STK32B: variants seen among roughly 807,000 people sequenced by gnomAD.
STK32B encodes the protein serine/threonine kinase 32B.
Under a neutral mutation model 52.6 loss-of-function variants are expected in STK32B, and 43 were observed. That is an observed-to-expected ratio of 0.82 (90% CI 0.64 to 1.05). The LOEUF is 1.05. Among genes scored for constraint, STK32B ranks in the 50% least tolerant of loss-of-function variants. STK32B has a pLI of 0.00. For synonymous variants in STK32B, 238 were observed against 204.3 expected (o/e 1.17, Z -1.41); for missense variants, 621 against 534.6 (o/e 1.16, Z -1.59).
chr4:5,076,230 C>A (rs144106898), intron 1 of STK32B, among the ~76,000 whole-genome samples: 2 of 152,032 alleles, frequency 1.3e-5, no homozygotes, highest in Non-Finnish European at 2.9e-5. Flanking sequence ...ATGTAGAGTA[C>A]GACTAAGGAG....
In STK32B at chr4:5,260,914, G is replaced by T. The variant is rs1726669196; in HGVS notation, c.261-70306G>T. Among the ~76,000 whole-genome samples the T allele has an allele frequency of 2.6e-5, 4 of 152,290 alleles. No homozygotes were observed. In the Middle Eastern group the frequency reaches 0.014, roughly 518 times the overall value. Reference sequence around the variant, plus strand: ...CTCAGTGAGGCTTCAGTGGACCCCAGGGTGGTCTGAAGCTGGATGGCTCTT... The same window carrying T: ...CTCAGTGAGGCTTCAGTGGACCCCATGGTGGTCTGAAGCTGGATGGCTCTT... On this transcript the variant is annotated intron_variant, in intron 3 of 11. Transcript: ENST00000282908.
chr4:5,400,990 G>T lies in STK32B; in HGVS notation c.472+2746G>T, dbSNP rs932025899. ...GTGCGGGGTTGTCTTAGAGGCAGCC[G>T]CATGACAGTGGGATCCTGAAGGCAT... On this transcript the variant is annotated intron_variant, in intron 5 of 11. Transcript: ENST00000282908. This position sits in a 1 kb window ranked among gnomAD's most constrained non-coding sequence, Gnocchi z 6.1. 6.6e-6 allele frequency among the ~76,000 whole-genome samples: 1 copy of T among 152,138 alleles called. No individual in the cohort carries two copies. The highest frequency in any genetic ancestry group is 2.4e-5 in the African/African-American group (1 of 41,426).
the STK32B span, among the ~76,000 whole-genome samples, chr4:5,029,174 C>T: frequency 3.3e-5 from 5 of 152,122 alleles, no homozygotes; most frequent in South Asian, 1.0e-3. Flanking sequence ...CCATATCATC[C>T]CCAATGACCC....
intron 3 of STK32B, among the ~76,000 whole-genome samples, chr4:5,311,559 TGAAA>T (rs1730290696): frequency 6.6e-6 from 1 of 151,752 alleles, no homozygotes; most frequent in African/African-American, 2.4e-5. Context: ...AAACATAAAA[TGAAA>T]GAAGAACAAA....
chr4:5,162,759 A>G (rs971790546), intron 2 of STK32B, among the ~76,000 whole-genome samples: 2 of 152,182 alleles, frequency 1.3e-5, no homozygotes, highest in African/African-American at 2.4e-5. Context: ...CAGCCCTGCC[A>G]AGGACCCCAA....
the STK32B span, among the ~76,000 whole-genome samples, chr4:5,038,709 A>G: frequency 6.6e-6 from 1 of 152,242 alleles, no homozygotes; most frequent in African/African-American, 2.4e-5. Flanking sequence ...TGGAGCTTGC[A>G]GGACTGGAGA....
At chr4:5,472,072 C>T (rs973375583) in intron 11 of STK32B, among the ~76,000 whole-genome samples, 5 of 152,206 alleles carry the variant, frequency 3.3e-5, no homozygotes, top group Non-Finnish European at 7.3e-5. Context: ...CCATCATCTG[C>T]ACCAAGCAGC....
chr4:5,297,479 A>G (rs951544520), intron 3 of STK32B, among the ~76,000 whole-genome samples: 1 of 150,678 alleles, frequency 6.6e-6, no homozygotes, highest in Non-Finnish European at 1.5e-5. Context: ...CATTCTTTTC[A>G]TTCTTTTTTC....
At chr4:5,060,172 GT>G (rs1304777500) in intron 1 of STK32B, among the ~76,000 whole-genome samples, 5 of 152,074 alleles carry the variant, frequency 3.3e-5, no homozygotes, top group African/African-American at 9.7e-5. Flanking sequence ...TTCCACGTTA[GT>G]CAGGCTGGTC....
At chr4:5,253,369 T>TTTGTTG (rs547118087) in intron 3 of STK32B, among the ~76,000 whole-genome samples, 3 of 152,006 alleles carry the variant, frequency 2.0e-5, no homozygotes, top group Non-Finnish European at 1.5e-5. Flanking sequence ...AATGTTTAGA[T>TTTGTTG]TTGTTGTTGT....
intron 7 of STK32B, among the ~76,000 whole-genome samples, chr4:5,455,750 T>TG (rs1301337499): frequency 6.6e-6 from 1 of 152,136 alleles, no homozygotes; most frequent in East Asian, 1.9e-4. Context: ...CAGACACTAC[T>TG]GGGGCCCCGA....
intron 6 of STK32B, among the ~76,000 whole-genome samples, chr4:5,425,367 A>C (rs551685335): frequency 1.4e-4 from 21 of 152,310 alleles, no homozygotes; most frequent in Admixed American, 2.6e-4. Flanking sequence ...AGGCCAGGGA[A>C]AGTGAAGTTT....
chr4:5,122,438 CTCAT>C lies in STK32B; in HGVS notation c.53-17463_53-17460del, dbSNP rs1384388171. ...TTCATTCACTCATTAACCTACTTCA[CTCAT>C]TCACTCACTTATCCATTCAGTTGTT... On this transcript the variant is annotated intron_variant, in intron 1 of 11. Transcript: ENST00000282908. Among the ~76,000 whole-genome samples, 32 of 149,688 alleles carry C rather than the reference CTCAT, an allele frequency of 2.1e-4. No homozygotes were observed. The East Asian group carries it at 4.9e-3, about 23-fold the overall frequency.
chr4:5,331,200 CTG>C lies in STK32B; in HGVS notation c.261-18_261-17del. 6.3e-7 allele frequency: 1 copy of C among 1,597,744 alleles called. No homozygotes were observed. Among genetic ancestry groups the C allele is most frequent in the South Asian group, 1.1e-5 (1 of 88,066 alleles). On this transcript the variant is annotated intron_variant, in intron 3 of 11. Transcript: ENST00000282908. ...AAGGTGCCTCCACCCCTAATCTTCT[CTG>C]TCCTTCTGTGCTCCTAGGTACTCCT...
At chr4:5,243,449 A>C (rs1005584263) in intron 3 of STK32B, among the ~76,000 whole-genome samples, 2 of 152,184 alleles carry the variant, frequency 1.3e-5, no homozygotes, top group Admixed American at 6.5e-5. Context: ...ACTTTGCTGA[A>C]GTTGCTCATC....
chr4:5,359,925 G>A (rs1032254004), intron 4 of STK32B, among the ~76,000 whole-genome samples: 11 of 152,220 alleles, frequency 7.2e-5, no homozygotes, highest in Admixed American at 6.5e-4. Flanking sequence ...GCTATTGCCA[G>A]TTTTCAGCAG....
intron 3 of STK32B, among the ~76,000 whole-genome samples, chr4:5,326,692 A>G (rs62300007): frequency 0.038 from 5,807 of 152,284 alleles, 318 homozygotes; most frequent in Admixed American, 0.16. Context: ...GCCTTCTTTC[A>G]ACAAGTCACA....
intron 2 of STK32B, among the ~76,000 whole-genome samples, chr4:5,150,546 T>C (rs1319804223): frequency 6.6e-6 from 1 of 151,892 alleles, no homozygotes; most frequent in African/African-American, 2.4e-5. Context: ...ATATTCTGCC[T>C]CTTTGGCAGG....
chr4:5,290,352 A>G (rs1030221124), intron 3 of STK32B, among the ~76,000 whole-genome samples: 1 of 152,212 alleles, frequency 6.6e-6, no homozygotes, highest in Non-Finnish European at 1.5e-5. Context: ...GCTAAACAAA[A>G]ATGTTTTATT....
Sources: allele counts gnomAD v4.1 joint callset (sites outside exome capture counted in the v4.1 genomes callset), GRCh38; gene constraint gnomAD v4.1.1; non-coding constraint Gnocchi (gnomAD v3.1); transcripts MANE v1.5; gene names NCBI Gene and HGNC (gene_info 2026-07-23, HGNC 2026-07-21).